The following CDH26 variants were observed in gnomAD, a reference collection of about 807,000 sequenced individuals.
CDH26 encodes the protein cadherin-like protein 26.
In CDH26, 83 loss-of-function variants were observed where a neutral mutation model predicts 90.3. The ratio of observed to expected loss-of-function variants is 0.92; its 90% CI spans 0.77 to 1.10. The LOEUF is 1.10. Ranked by LOEUF, CDH26 falls within the 50% of genes least tolerant of loss-of-function variation. The pLI is 0.00. For missense variants in CDH26, 1,013 were observed against 1,037.6 expected (o/e 0.98, Z 0.33); for synonymous variants, 397 against 396.3 (o/e 1.00, Z -0.02).
chr20:60,024,868 G>T (rs2061983806), intron 7 of CDH26, among the ~76,000 whole-genome samples: 1 of 152,222 alleles, frequency 6.6e-6, no homozygotes, highest in Non-Finnish European at 1.5e-5. Flanking sequence ...CTGTGACCAG[G>T]TGACTAAGTT....
chr20:60,000,118 G>A (rs2061656463), intron 14 of CDH26, among the ~76,000 whole-genome samples: 1 of 152,144 alleles, frequency 6.6e-6, no homozygotes, highest in Admixed American at 6.5e-5. Flanking sequence ...AAAGAAGTAG[G>A]GCACAATGAC....
At position 59,989,021 on chromosome 20, in the gene CDH26, G is replaced by A. The variant is rs758909382; in HGVS notation, c.1141G>A (p.Ala381Thr). 5.7e-5 allele frequency: 92 copies of A among 1,614,070 alleles called. No individual in the cohort carries two copies. Among genetic ancestry groups the A allele is most frequent in the Middle Eastern group, 1.6e-4 (1 of 6,084 alleles). The change falls in exon 9 of 18, where the codon GCC becomes ACC. Residue 381 changes from alanine (A) to threonine (T), a missense_variant. Ala to Thr is a moderately conservative substitution (Grantham distance 58). Transcript: ENST00000348616. ...GCCGCCAAGGAAGGCAGCAGCCAGCGCCACTGTGAGTGTGCAGGTGACAGA... is the reference window on the plus strand; with the variant it reads ...GCCGCCAAGGAAGGCAGCAGCCAGCACCACTGTGAGTGTGCAGGTGACAGA... ...LQPPRKAAAS[A>T]TVSVQVTDAN...
intron 10 of CDH26, among the ~76,000 whole-genome samples, chr20:59,993,685 C>G (rs1046163952): frequency 5.9e-5 from 9 of 152,178 alleles, no homozygotes; most frequent in African/African-American, 2.2e-4. Context: ...TAGGTTGGCT[C>G]CATATATTTG....
chr20:60,009,520 A>G (rs1283574937), intron 17 of CDH26, among the ~76,000 whole-genome samples: 1 of 152,188 alleles, frequency 6.6e-6, no homozygotes, highest in African/African-American at 2.4e-5. Flanking sequence ...CTGGCTGAGC[A>G]GGAGAGGGAC....
chr20:59,990,741 G>A (rs1051647886), intron 9 of CDH26, among the ~76,000 whole-genome samples: 1 of 152,144 alleles, frequency 6.6e-6, no homozygotes, highest in South Asian at 2.1e-4. Context: ...CCCTTCTGGT[G>A]CACAGTGGTG....
At chr20:59,995,775 T>TTGAGCAGA in intron 11 of CDH26, 58 bp from the exon 12 acceptor site, 4 of 1,495,672 alleles carry the variant, frequency 2.7e-6, no homozygotes, top group Non-Finnish European at 3.7e-6. Context: ...TAAGCGTGTG[T>TTGAGCAGA]TGAGCAGATG....
intron 2 of CDH26, 111 bp downstream of exon 2, chr20:59,969,134 G>A (rs2061216169): frequency 3.0e-6 from 2 of 674,190 alleles, no homozygotes; most frequent in East Asian, 5.2e-5. Context: ...TTGGTTTGCA[G>A]AAAATAAAAT....
chr20:59,961,850 CT>C (rs2061078963), intron 1 of CDH26, among the ~76,000 whole-genome samples: 1 of 152,158 alleles, frequency 6.6e-6, no homozygotes, highest in South Asian at 2.1e-4. Flanking sequence ...CACCTTGGGG[CT>C]GTGGCAGGCT....
At chr20:60,009,195 G>A (rs1279837404) in intron 17 of CDH26, among the ~76,000 whole-genome samples, 2 of 152,178 alleles carry the variant, frequency 1.3e-5, no homozygotes, top group East Asian at 3.9e-4. Flanking sequence ...AGGCACGAGG[G>A]ACAGAGCCAG....
intron 1 of CDH26, among the ~76,000 whole-genome samples, chr20:59,959,406 C>CA (rs2061038716): frequency 6.6e-6 from 1 of 151,028 alleles, no homozygotes; most frequent in Non-Finnish European, 1.5e-5. Context: ...AGCCAACACA[C>CA]ACAATTTTTT....
intron 8 of CDH26, chr20:60,033,402 A>G (rs2062058975): frequency 8.0e-7 from 1 of 1,250,658 alleles, no homozygotes; most frequent in African/African-American, 1.5e-5. Context: ...AATACTTATC[A>G]AATGCTTAGT....
intron 2 of CDH26, 24 bp from the exon 3 acceptor site, chr20:59,970,058 C>T (rs1372208575): frequency 6.2e-7 from 1 of 1,606,402 alleles, no homozygotes. Context: ...TCCTCATTGT[C>T]ACCAGTGTCA....
At chr20:59,964,497 A>G (rs977159611) in intron 1 of CDH26, among the ~76,000 whole-genome samples, 1 of 151,824 alleles carries the variant, frequency 6.6e-6, no homozygotes, top group African/African-American at 2.4e-5. Context: ...ATCTTTTGAA[A>G]GATTTCCTCT....
chr20:60,017,070 G>A (rs560567830), downstream of CDH26, among the ~76,000 whole-genome samples: 2 of 152,088 alleles, frequency 1.3e-5, no homozygotes, highest in East Asian at 3.9e-4. Context: ...TTGGCCTGTA[G>A]TTTTCTTTTT....
At chr20:60,022,539 C>G (rs771708727) in intron 7 of CDH26, among the ~76,000 whole-genome samples, 3 of 152,222 alleles carry the variant, frequency 2.0e-5, no homozygotes, top group Non-Finnish European at 2.9e-5. Flanking sequence ...AAGTGAAACA[C>G]TGACCGAGGA....
At position 59,994,464 on chromosome 20, in the gene CDH26, C is replaced by G. The variant is rs1409669759; in HGVS notation, c.1641C>G (p.Asp547Glu). Residue 547 changes from aspartate (D) to glutamate (E), a missense_variant, in exon 11 of 18, where the codon GAC (aspartate) becomes GAG (glutamate). Physicochemically the swap from Asp to Glu is conservative, Grantham distance 45. Coordinates refer to ENST00000348616, the MANE Select transcript of CDH26 (RefSeq NM_177980.4). ...ACAATACCTGGGGAAATGCGGAGGA[C>G]ACATGGAAGTTGGGGAGAAATTGGG... The part of the protein sequence containing the change: ...ELDNTWGNAE[D>E]TWKLGRNWGQ... 1 of 1,614,100 alleles carries G rather than the reference C, an allele frequency of 6.2e-7. No homozygotes were observed. The highest frequency in any genetic ancestry group is 1.1e-5 in the South Asian group (1 of 91,082).
Position 60,030,076 on chromosome 20 carries a change from A to G in CDH26, c.948-1155A>G, listed in dbSNP as rs916492863. On this transcript the variant is annotated intron_variant, in intron 7 of 8. Coordinates refer to the CDH26 transcript ENST00000370991. The surrounding 1 kb of genome is among the most constrained non-coding windows in gnomAD (Gnocchi z 4.0). Reference sequence around the variant, plus strand: ...ATCCCTTCTGCCACCTTCCCCCACAACCCCTGGTTTTATTGAGGTATAACT... The same window carrying G: ...ATCCCTTCTGCCACCTTCCCCCACAGCCCCTGGTTTTATTGAGGTATAACT... 1.3e-5 allele frequency among the ~76,000 whole-genome samples: 2 copies of G among 152,014 alleles called. No homozygotes were observed. The highest frequency in any genetic ancestry group is 1.5e-5 in the Non-Finnish European group (1 of 67,988).
chr20:59,996,248 C>A, intron 12 of CDH26, 194 bp downstream of exon 12: 2 of 1,063,056 alleles, frequency 1.9e-6, no homozygotes, highest in Non-Finnish European at 1.3e-6. Flanking sequence ...GATCCCTGGC[C>A]AGCAAAAGCA....
intron 16 of CDH26, among the ~76,000 whole-genome samples, chr20:60,005,474 ATATC>A (rs934218569): frequency 7.5e-5 from 11 of 146,164 alleles, no homozygotes; most frequent in Non-Finnish European, 1.3e-4. Context: ...GCATGTGTAT[ATATC>A]TGTATGTATG....
Sources: gnomAD v4.1 joint callset for allele counts (sites outside exome capture counted in the v4.1 genomes callset) on GRCh38, gnomAD v4.1.1 for gene constraint, Gnocchi (gnomAD v3.1) non-coding constraint, MANE v1.5 for transcripts, NCBI Gene and HGNC (gene_info 2026-07-23, HGNC 2026-07-21) for gene names.